PRIM2: variants seen among roughly 807,000 people sequenced by gnomAD.
The protein encoded by PRIM2 is DNA primase subunit 2.
PRIM2 carries 39 observed loss-of-function variants against 67.3 expected under a neutral mutation model. The ratio of observed to expected loss-of-function variants is 0.58; its 90% confidence interval spans 0.45 to 0.76. The LOEUF is 0.76. PRIM2 is among the 30% of genes least tolerant of loss of function. PRIM2 has a pLI of 0.00. For synonymous variants in PRIM2, 143 were observed against 198.7 expected, an observed-to-expected ratio of 0.72 and a Z score of 2.36; for missense variants, 398 against 598.7, an observed-to-expected ratio of 0.66 and a Z score of 3.50.
At chr6:57,222,090 G>T in the PRIM2 span, 1 of 152,436 alleles carries the variant, frequency 6.6e-6, no homozygotes, top group Admixed American at 6.5e-5. Flanking sequence ...CGCAACCGCT[G>T]CCGCCGCTGT....
chr6:57,332,549 T>C (rs1411834250), intron 5 of PRIM2, among the ~76,000 whole-genome samples: 3 of 152,190 alleles, frequency 2.0e-5, no homozygotes, highest in African/African-American at 7.2e-5. Flanking sequence ...GGCTCTCTTG[T>C]TAGTTGCATA....
At position 57,518,942 on chromosome 6, in the gene PRIM2, G is replaced by A. The variant is rs1490222222; in HGVS notation, c.761+11488G>A. Among the ~76,000 whole-genome samples the A allele has an allele frequency of 7.4e-3, 1,130 of 152,106 alleles. 12 individuals are homozygous for A. The highest frequency in any genetic ancestry group is 0.025 in the African/African-American group (1,041 of 41,488). On this transcript the variant is annotated intron_variant, in intron 8 of 13. Transcript: ENST00000615550. ...AGGTTCTTTTCTATTTTCCTTAAGC[G>A]TCAGCCAGCTTGAGAAATAAAGGGA...
intron 7 of PRIM2, among the ~76,000 whole-genome samples, chr6:57,439,404 GTTTTTTTTT>G (rs149436085): frequency 3.0e-4 from 17 of 57,054 alleles, no homozygotes; most frequent in Non-Finnish European, 4.5e-4. Flanking sequence ...GAGGTACTCT[GTTTTTTTTT>G]TTTTTTTTTT....
chr6:57,320,567 A>T lies in PRIM2; in HGVS notation c.258+7A>T. On this transcript the variant is annotated splice_region_variant and intron_variant, in intron 3 of 13. Transcript: ENST00000615550. Reference sequence around the variant, plus strand: ...GCTCAAGTTTTCCTACAGAGTAAGTAAAAAAGGAAAAAAAAGTTCCTTCAG... The same window carrying T: ...GCTCAAGTTTTCCTACAGAGTAAGTTAAAAAGGAAAAAAAAGTTCCTTCAG... The T allele has an allele frequency of 1.3e-6, 2 of 1,534,350 alleles. No homozygotes were observed. The highest frequency in any genetic ancestry group is 1.2e-5 in the South Asian group (1 of 83,200).
chr6:57,233,667 C>T, the PRIM2 span, among the ~76,000 whole-genome samples: 1 of 147,574 alleles, frequency 6.8e-6, no homozygotes, highest in Non-Finnish European at 1.5e-5. Flanking sequence ...CCCTCCCTCC[C>T]TTGACAGGGG....
the PRIM2 span, among the ~76,000 whole-genome samples, chr6:57,224,002 C>CA: frequency 6.0e-5 from 9 of 150,946 alleles, no homozygotes; most frequent in Non-Finnish European, 1.0e-4. Flanking sequence ...AACAGGGACT[C>CA]AAAAAAAAAT....
At chr6:57,278,156 G>A in the PRIM2 span, among the ~76,000 whole-genome samples, 3 of 151,562 alleles carry the variant, frequency 2.0e-5, no homozygotes, top group Non-Finnish European at 4.4e-5. Flanking sequence ...GTGAAACCCT[G>A]TCTCTACCAA....
intron 7 of PRIM2, among the ~76,000 whole-genome samples, chr6:57,433,397 A>T (rs564663695): frequency 2.3e-5 from 1 of 42,604 alleles, no homozygotes; most frequent in Non-Finnish European, 4.5e-5. Context: ...CCCTCCCCCC[A>T]TCCCACAACA....
intron 7 of PRIM2, among the ~76,000 whole-genome samples, chr6:57,412,320 A>G (rs1333624494): frequency 6.6e-6 from 1 of 152,064 alleles, no homozygotes; most frequent in Non-Finnish European, 1.5e-5. Flanking sequence ...ATATAAGTAT[A>G]TTTGTTTTAT....
intron 7 of PRIM2, among the ~76,000 whole-genome samples, chr6:57,443,031 CTT>C (rs1772249812): frequency 6.6e-6 from 1 of 152,134 alleles, no homozygotes; most frequent in Non-Finnish European, 1.5e-5. Flanking sequence ...CTTTTTTTCA[CTT>C]ATCATGTTCT....
the PRIM2 span, among the ~76,000 whole-genome samples, chr6:57,273,084 T>G: frequency 3.3e-5 from 5 of 152,184 alleles, no homozygotes; most frequent in South Asian, 2.1e-4. Context: ...TCAACTTTGG[T>G]GAATCTGACA....
At chr6:57,422,158 C>CTTTTTTTTTTTT (rs575958629) in intron 7 of PRIM2, among the ~76,000 whole-genome samples, 1,098 of 103,120 alleles carry the variant, frequency 0.011, 151 homozygotes, top group South Asian at 0.049. Flanking sequence ...TCTTTTCTTT[C>CTTTTTTTTTTTT]TTTTTTTTTT....
At chr6:57,645,309 A>G (rs1777314777) in intron 13 of PRIM2, among the ~76,000 whole-genome samples, 1 of 142,394 alleles carries the variant, frequency 7.0e-6, no homozygotes, top group Non-Finnish European at 1.5e-5. Flanking sequence ...CCTCACTAAC[A>G]TACAATGTCA....
At chr6:57,301,468 C>T in the PRIM2 span, among the ~76,000 whole-genome samples, 2 of 152,230 alleles carry the variant, frequency 1.3e-5, no homozygotes, top group Admixed American at 1.3e-4. Context: ...GCCTGGGCAG[C>T]AAGAGCAAAA....
At chr6:57,456,619 C>T (rs200502453) in intron 7 of PRIM2, among the ~76,000 whole-genome samples, 2 of 152,196 alleles carry the variant, frequency 1.3e-5, no homozygotes, top group African/African-American at 4.8e-5. Context: ...GTTCTCGTGC[C>T]TTGGTTTTCA....
At chr6:57,641,750 G>A (rs1777239683) in intron 13 of PRIM2, among the ~76,000 whole-genome samples, 1 of 152,204 alleles carries the variant, frequency 6.6e-6, no homozygotes, top group African/African-American at 2.4e-5. Flanking sequence ...TGGAGAGGAT[G>A]TGGAGAAATA....
At chr6:57,497,289 A>G (rs1761603532) in intron 7 of PRIM2, among the ~76,000 whole-genome samples, 1 of 152,148 alleles carries the variant, frequency 6.6e-6, no homozygotes, top group Non-Finnish European at 1.5e-5. Flanking sequence ...CCTCAGAGAT[A>G]ATATCCAAGG....
At chr6:57,254,690 A>G in the PRIM2 span, among the ~76,000 whole-genome samples, 1 of 139,134 alleles carries the variant, frequency 7.2e-6, no homozygotes, top group South Asian at 2.6e-4. Flanking sequence ...GGTCTGAAGA[A>G]ACTCCCCAGA....
At chr6:57,343,812 G>A (rs1457077716) in intron 5 of PRIM2, among the ~76,000 whole-genome samples, 1 of 152,082 alleles carries the variant, frequency 6.6e-6, no homozygotes, top group East Asian at 1.9e-4. Flanking sequence ...TTATTCAAAG[G>A]GGCTACTATA....
Sources: allele counts gnomAD v4.1 joint callset (sites outside exome capture counted in the v4.1 genomes callset), GRCh38; gene constraint gnomAD v4.1.1; transcripts MANE v1.5; gene names NCBI Gene and HGNC (gene_info 2026-07-23, HGNC 2026-07-21).